Variants in TBC1D22A observed in about 807,000 individuals in gnomAD.
TBC1D22A encodes the protein putative GTPase activator.
In TBC1D22A, 38 loss-of-function variants were observed where a neutral mutation model predicts 60.2. The ratio of observed to expected loss-of-function variants is 0.63; its 90% CI spans 0.49 to 0.83. The LOEUF is 0.83. Ranked by LOEUF, TBC1D22A falls within the 40% of genes least tolerant of loss-of-function variation. The pLI is 0.00. For missense variants in TBC1D22A, 628 were observed against 701.0 expected, an observed-to-expected ratio of 0.90 and a Z score of 1.18; for synonymous variants, 302 against 281.7, an observed-to-expected ratio of 1.07 and a Z score of -0.72.
At chr22:47,157,992 C>T (rs962286141) in intron 12 of TBC1D22A, among the ~76,000 whole-genome samples, 4 of 152,298 alleles carry the variant, frequency 2.6e-5, no homozygotes, top group Non-Finnish European at 4.4e-5. Context: ...CCCTGTGCTG[C>T]CCGTCACCCT....
chr22:47,164,429 G>A (rs527274826), intron 12 of TBC1D22A, among the ~76,000 whole-genome samples: 10 of 152,366 alleles, frequency 6.6e-5, no homozygotes, highest in African/African-American at 1.9e-4. Context: ...GGGAGTGTCA[G>A]GTTGAGCTCC....
At chr22:47,171,432 C>T (rs964441896) in intron 12 of TBC1D22A, among the ~76,000 whole-genome samples, 2 of 152,142 alleles carry the variant, frequency 1.3e-5, no homozygotes, top group East Asian at 1.9e-4. Context: ...CTGCAGGTGG[C>T]CCCCTGGGGG....
At chr22:47,115,066 C>T (rs924512238) in intron 12 of TBC1D22A, among the ~76,000 whole-genome samples, 8 of 151,446 alleles carry the variant, frequency 5.3e-5, no homozygotes, top group Admixed American at 1.3e-4. Context: ...TGAGGTGGGG[C>T]GGAGAGGGGC....
intron 8 of TBC1D22A, among the ~76,000 whole-genome samples, chr22:46,923,820 T>G (rs2070895509): frequency 6.6e-6 from 1 of 152,266 alleles, no homozygotes; most frequent in Non-Finnish European, 1.5e-5. Flanking sequence ...TTTCCTTGTA[T>G]TAAGAAATCT....
intron 8 of TBC1D22A, among the ~76,000 whole-genome samples, chr22:46,961,708 G>T (rs946732181): frequency 6.6e-6 from 1 of 152,180 alleles, no homozygotes; most frequent in East Asian, 1.9e-4. Context: ...TTCAGTAGCC[G>T]TTTTCTTCAC....
Position 47,028,402 on chromosome 22 carries a change from C to G in TBC1D22A, c.1202-8669C>G, listed in dbSNP as rs1156350192. On this transcript the variant is annotated intron_variant, in intron 10 of 12. Transcript: ENST00000337137. The surrounding 1 kb of genome is among the most constrained non-coding windows in gnomAD (Gnocchi z 4.4). ...GCATTCCTGTCCCTCGGTCCCTGTC[C>G]CCCACGGCCCAGGTTCTGAGAGCGA... 7.0e-6 allele frequency among the ~76,000 whole-genome samples: 1 copy of G among 143,106 alleles called. No homozygotes were observed. Among genetic ancestry groups the G allele is most frequent in the Non-Finnish European group, 1.5e-5 (1 of 66,534 alleles). 93.9% of individuals were successfully genotyped at this position (143,106 alleles called of 152,430 possible).
At chr22:47,021,574 C>A (rs933288892) in intron 10 of TBC1D22A, among the ~76,000 whole-genome samples, 4 of 150,270 alleles carry the variant, frequency 2.7e-5, no homozygotes. Flanking sequence ...GGCAGAACCT[C>A]ACCTCGAGCC....
chr22:46,788,188 G>A (rs1328662677), intron 1 of TBC1D22A, among the ~76,000 whole-genome samples: 1 of 152,010 alleles, frequency 6.6e-6, no homozygotes, highest in South Asian at 2.1e-4. Flanking sequence ...CACCCGCCTC[G>A]GCCTCCCAAA....
intron 4 of TBC1D22A, among the ~76,000 whole-genome samples, chr22:46,853,449 G>T (rs1268449765): frequency 6.6e-6 from 1 of 152,198 alleles, no homozygotes; most frequent in Non-Finnish European, 1.5e-5. Flanking sequence ...TAGGCCCCAC[G>T]CCTGGCTCTG....
intron 8 of TBC1D22A, among the ~76,000 whole-genome samples, chr22:46,943,425 G>A (rs183137056): frequency 1.4e-4 from 21 of 152,346 alleles, no homozygotes; most frequent in African/African-American, 4.1e-4. Flanking sequence ...TTGTGTTTTA[G>A]CTGGTGAGGC....
At chr22:46,921,086 T>C (rs11090913) in intron 8 of TBC1D22A, among the ~76,000 whole-genome samples, 2,156 of 152,302 alleles carry the variant, frequency 0.014, 48 homozygotes, top group African/African-American at 0.05. Flanking sequence ...GTTGTTATTA[T>C]TTTTTAACTT....
intron 12 of TBC1D22A, among the ~76,000 whole-genome samples, chr22:47,162,704 CG>C (rs1569479292): frequency 3.5e-5 from 4 of 114,098 alleles, no homozygotes; most frequent in African/African-American, 1.7e-4. Flanking sequence ...ACTGCGGACC[CG>C]GTGCAGGGAG....
intron 4 of TBC1D22A, among the ~76,000 whole-genome samples, chr22:46,850,018 T>G (rs2087197389): frequency 6.6e-6 from 1 of 152,238 alleles, no homozygotes; most frequent in Non-Finnish European, 1.5e-5. Context: ...TAGCTGCCCC[T>G]GGAACAGCTC....
chr22:46,871,041 C>T (rs576041360), intron 4 of TBC1D22A, among the ~76,000 whole-genome samples: 1 of 152,240 alleles, frequency 6.6e-6, no homozygotes, highest in East Asian at 1.9e-4. Context: ...ATATGTCATG[C>T]AAGCTCTAAT....
At chr22:47,102,286 C>T (rs934809813) in intron 11 of TBC1D22A, among the ~76,000 whole-genome samples, 2 of 152,288 alleles carry the variant, frequency 1.3e-5, no homozygotes, top group East Asian at 3.9e-4. Flanking sequence ...CGCTACGCAC[C>T]TCCCTGTGAG....
chr22:47,098,776 C>T (rs1361535439), intron 11 of TBC1D22A, among the ~76,000 whole-genome samples: 2 of 152,220 alleles, frequency 1.3e-5, no homozygotes, highest in African/African-American at 4.8e-5. Context: ...CAGTCCTGCC[C>T]TCGCTGGGCT....
chr22:47,091,973 G>A (rs1235036662), intron 11 of TBC1D22A, among the ~76,000 whole-genome samples: 6 of 152,170 alleles, frequency 3.9e-5, no homozygotes, highest in Non-Finnish European at 8.8e-5. Context: ...ACTGGAAAGC[G>A]TGTACTCGTG....
At chr22:47,063,299 G>T (rs1279879117) in intron 11 of TBC1D22A, among the ~76,000 whole-genome samples, 1 of 152,186 alleles carries the variant, frequency 6.6e-6, no homozygotes, top group Admixed American at 6.5e-5. Flanking sequence ...CAGGGCTAGT[G>T]GCTGTCACTA....
intron 4 of TBC1D22A, among the ~76,000 whole-genome samples, chr22:46,808,736 A>G (rs2085256291): frequency 6.6e-6 from 1 of 152,158 alleles, no homozygotes; most frequent in African/African-American, 2.4e-5. Flanking sequence ...CTGGGACTAC[A>G]GGCACCTGCC....
Sources: allele counts gnomAD v4.1 joint callset (sites outside exome capture counted in the v4.1 genomes callset), GRCh38; gene constraint gnomAD v4.1.1; non-coding constraint Gnocchi (gnomAD v3.1); transcripts MANE v1.5; gene names NCBI Gene and HGNC (gene_info 2026-07-23, HGNC 2026-07-21).